Variants in PUS7 observed in about 807,000 individuals in gnomAD.
PUS7 encodes pseudouridylate synthase 7 homolog.
In PUS7, 48 loss-of-function variants were observed where a neutral mutation model predicts 79.8. The observed-to-expected ratio is 0.60, with a 90% CI of 0.48 to 0.76. The LOEUF is 0.76. PUS7 is among the 30% of genes least tolerant of loss of function. PUS7 has a pLI of 0.00. For synonymous variants in PUS7, 286 were observed against 272.2 expected (o/e 1.05, Z -0.50); for missense variants, 729 against 797.6 (o/e 0.91, Z 1.04).
intron 7 of PUS7, among the ~76,000 whole-genome samples, chr7:105,483,617 C>T (rs188319925): frequency 7.2e-5 from 11 of 152,014 alleles, no homozygotes; most frequent in South Asian, 4.2e-4. Context: ...CTGAGCCTCC[C>T]GAGTAGCTGA....
At chr7:105,502,820 C>G (rs1382698550) in intron 4 of PUS7, among the ~76,000 whole-genome samples, 1 of 152,178 alleles carries the variant, frequency 6.6e-6, no homozygotes, top group Non-Finnish European at 1.5e-5. Context: ...CTGCCTCAGC[C>G]TCCTGAGTAG....
chr7:105,468,506 T>C, intron 11 of PUS7, 43 bp from the exon 12 acceptor site: 1 of 1,526,144 alleles, frequency 6.6e-7, no homozygotes, highest in Non-Finnish European at 8.9e-7. Flanking sequence ...ATATTCTAAA[T>C]ATAAAAAGTG....
chr7:105,462,821 G>C (rs945553904), intron 13 of PUS7, 71 bp from the exon 14 acceptor site: 121 of 1,426,628 alleles, frequency 8.5e-5, no homozygotes, highest in Admixed American at 1.0e-4. Flanking sequence ...AGATTATAAA[G>C]AGAGTAACAA....
intron 7 of PUS7, among the ~76,000 whole-genome samples, chr7:105,485,801 A>G (rs1338013547): frequency 1.3e-5 from 2 of 152,032 alleles, no homozygotes; most frequent in African/African-American, 2.4e-5. Context: ...TAAGTGCTAT[A>G]TCTCTTTTTT....
rs1329091070 is a variant in PUS7, at chr7:105,511,116, C to G, written c.-32-2572G>C. On this transcript the variant is annotated intron_variant, in intron 1 of 15. Coordinates refer to ENST00000469408, the MANE Select transcript of PUS7 (RefSeq NM_019042.5). ...GCACGATCTTGGCTTACTGCAAGCT[C>G]CGCCTCCCAGGTTCACACCATTCTC... 2.0e-5 allele frequency among the ~76,000 whole-genome samples: 3 copies of G among 151,562 alleles called. 1 individual carries two copies. The highest frequency in any genetic ancestry group is 4.4e-5 in the Non-Finnish European group (3 of 67,868).
intron 7 of PUS7, among the ~76,000 whole-genome samples, chr7:105,486,953 G>T (rs995019583): frequency 1.3e-5 from 2 of 151,932 alleles, no homozygotes; most frequent in African/African-American, 2.4e-5. Flanking sequence ...CCAGCTACTC[G>T]GGAGGCTAAG....
intron 6 of PUS7, among the ~76,000 whole-genome samples, chr7:105,494,764 G>A (rs914027495): frequency 6.6e-5 from 10 of 151,926 alleles, no homozygotes; most frequent in Non-Finnish European, 1.5e-4. Flanking sequence ...GACTGCTTGA[G>A]CACAGGAGTT....
chr7:105,489,664 A>G (rs992632234), intron 7 of PUS7, among the ~76,000 whole-genome samples: 2 of 152,222 alleles, frequency 1.3e-5, no homozygotes, highest in Non-Finnish European at 2.9e-5. Context: ...AGGTCAAGGA[A>G]GAAAAAGAAC....
intron 13 of PUS7, 52 bp downstream of exon 13, chr7:105,465,261 G>C: frequency 7.7e-7 from 1 of 1,296,966 alleles, no homozygotes. Flanking sequence ...TGAAATAGTA[G>C]CTTCATTATG....
At position 105,508,306 on chromosome 7, in the gene PUS7, T is replaced by C; in HGVS notation, c.207A>G (p.Lys69=). 6.2e-7 allele frequency: 1 copy of C among 1,614,164 alleles called. No homozygotes were observed. Among genetic ancestry groups the C allele is most frequent in the Non-Finnish European group, 8.5e-7 (1 of 1,180,020 alleles). The change falls in exon 2 of 16, where the codon AAA becomes AAG. Residue 69 remains lysine, a synonymous_variant. Transcript: ENST00000469408. ...ACTGAGCCTCAGAATTCTTTCCACC[T>C]TTCCCAGTACTGACAGTGTCAGGAG... ...PRPPDTVSTG[K]GGKNSEAQLE...
intron 9 of PUS7, among the ~76,000 whole-genome samples, chr7:105,477,804 G>GATTC (rs1192519305): frequency 1.3e-5 from 2 of 150,790 alleles, no homozygotes; most frequent in Non-Finnish European, 3.0e-5. Context: ...CATAGAAATT[G>GATTC]ATTCATTCAT....
intron 12 of PUS7, 90 bp from the exon 13 acceptor site, chr7:105,465,504 C>T: frequency 1.0e-6 from 1 of 967,766 alleles, no homozygotes; most frequent in South Asian, 1.5e-5. Context: ...CTAAGCAAGT[C>T]AGAAGTACAA....
At chr7:105,509,061 G>A (rs928466582) in intron 1 of PUS7, among the ~76,000 whole-genome samples, 3 of 147,996 alleles carry the variant, frequency 2.0e-5, no homozygotes, top group Non-Finnish European at 4.5e-5. Flanking sequence ...GTAGGCGCCT[G>A]TAATCCCAGC....
At chr7:105,470,665 C>T in intron 11 of PUS7, 23 bp downstream of exon 11, 6 of 1,541,364 alleles carry the variant, frequency 3.9e-6, no homozygotes, top group African/African-American at 1.4e-5. Flanking sequence ...GAGCCATTGC[C>T]TGACTTCACA....
chr7:105,472,237 T>C lies in PUS7; in HGVS notation c.1176-44A>G, dbSNP rs534999851. 3.4e-6 allele frequency: 4 copies of C among 1,167,372 alleles called. No homozygotes were observed. In the East Asian group the frequency reaches 9.6e-5, roughly 28 times the overall value. 72.3% of individuals were successfully genotyped at this position (1,167,372 alleles called of 1,614,324 possible). A position where few individuals can be genotyped will look rare whatever the true frequency, so the allele number is the denominator to read the frequency against. On this transcript the variant is annotated intron_variant, in intron 9 of 15. Transcript: ENST00000469408. ...TATTTTACTAAATTTTGCATAAAGA[T>C]AAAACTTTATATGCACAAATCTTTG...
rs117408869 is a variant in PUS7 at position 105,485,543 on chromosome 7, T to A, written c.921-3103A>T. Among the ~76,000 whole-genome samples, 14 of 152,314 alleles carry A rather than the reference T, an allele frequency of 9.2e-5. No homozygotes were observed. The East Asian group carries it at 2.7e-3, about 29-fold the overall frequency. On this transcript the variant is annotated intron_variant, in intron 7 of 15. Coordinates refer to ENST00000469408, the MANE Select transcript of PUS7 (RefSeq NM_019042.5). The stretch of plus-strand genomic sequence containing the variant: ...GTCCTTTTAAAGTTGCATTTTAATG[T>A]TCAAATTTATGATCCACCTGGAATT...
At chr7:105,467,366 T>C (rs1179438368) in intron 12 of PUS7, among the ~76,000 whole-genome samples, 1 of 150,592 alleles carries the variant, frequency 6.6e-6, no homozygotes, top group Non-Finnish European at 1.5e-5. Context: ...CTCGGCTCAC[T>C]GCAAGCTCCG....
chr7:105,460,119 T>G (rs1466802069), intron 14 of PUS7, among the ~76,000 whole-genome samples: 1 of 152,074 alleles, frequency 6.6e-6, no homozygotes, highest in Non-Finnish European at 1.5e-5. Flanking sequence ...TTTGTATTTT[T>G]AGTAGAGATG....
chr7:105,497,146 GT>G (rs1825070850), intron 5 of PUS7, among the ~76,000 whole-genome samples: 1 of 152,236 alleles, frequency 6.6e-6, no homozygotes, highest in African/African-American at 2.4e-5. Flanking sequence ...ACAATGGAAT[GT>G]TTTAGAGGCA....
Sources: allele counts gnomAD v4.1 joint callset (sites outside exome capture counted in the v4.1 genomes callset), GRCh38; gene constraint gnomAD v4.1.1; transcripts MANE v1.5; gene names NCBI Gene and HGNC (gene_info 2026-07-23, HGNC 2026-07-21).